LRRC40: variants seen among roughly 807,000 people sequenced by gnomAD.
LRRC40 encodes leucine-rich repeat-containing protein 40.
A neutral mutation model predicts 72.8 loss-of-function variants in LRRC40; 76 were observed. That is an observed-to-expected ratio of 1.04 (90% CI 0.87 to 1.26). LRRC40 has a LOEUF of 1.26. Among genes scored for constraint, LRRC40 ranks in the 50% most tolerant of loss-of-function variants. The probability of loss-of-function intolerance (pLI) is 0.00; values close to 1 mark genes in which losing one functional copy is unlikely to be tolerated. For missense variants in LRRC40, 684 were observed against 698.9 expected, an observed-to-expected ratio of 0.98 and a Z score of 0.24; for synonymous variants, 243 against 254.2, an observed-to-expected ratio of 0.96 and a Z score of 0.42.
intron 6 of LRRC40, 54 bp from the exon 7 acceptor site, chr1:70,176,036 T>C (rs980357087): frequency 3.1e-5 from 35 of 1,111,908 alleles, no homozygotes; most frequent in Non-Finnish European, 4.9e-6. Flanking sequence ...TTATAGTAGA[T>C]AATGAAAATA....
At chr1:70,158,098 TCAAAAAAAAA>T (rs1667680007) in intron 10 of LRRC40, among the ~76,000 whole-genome samples, 1 of 26,142 alleles carries the variant, frequency 3.8e-5, no homozygotes, top group African/African-American at 1.9e-4. Context: ...AGACCCTGCC[TCAAAAAAAAA>T]AAAAAAAAAA....
At chr1:70,155,215 A>C (rs1432630853) in intron 11 of LRRC40, among the ~76,000 whole-genome samples, 1 of 152,128 alleles carries the variant, frequency 6.6e-6, no homozygotes, top group African/African-American at 2.4e-5. Flanking sequence ...AAAAATATTA[A>C]CAGGCTTCAG....
At chr1:70,146,427 C>A (rs1667296076) in intron 14 of LRRC40, among the ~76,000 whole-genome samples, 1 of 152,094 alleles carries the variant, frequency 6.6e-6, no homozygotes, top group African/African-American at 2.4e-5. Flanking sequence ...AGGTACTGAG[C>A]CAAGTAATTT....
chr1:70,144,820 T>C lies in LRRC40; in HGVS notation c.*980A>G, dbSNP rs1337040077. On this transcript the variant is annotated 3_prime_UTR_variant, in exon 15 of 15. Transcript: ENST00000370952. ...AACATTGTAATCAATATTTGAAAAA[T>C]GTAACTTTTATTCTGAACATGTAGT... The C allele has an allele frequency of 6.6e-6, 1 of 152,018 alleles. No homozygotes were observed. The highest frequency in any genetic ancestry group is 1.5e-5 in the Non-Finnish European group (1 of 68,004). 9.4% of individuals were successfully genotyped at this position (152,018 alleles called of 1,614,324 possible). A position where few individuals can be genotyped will look rare whatever the true frequency, so the allele number is the denominator to read the frequency against.
intron 9 of LRRC40, among the ~76,000 whole-genome samples, chr1:70,171,683 T>A (rs551336166): frequency 2.2e-4 from 34 of 152,056 alleles, no homozygotes; most frequent in African/African-American, 7.7e-4. Flanking sequence ...AGATGACAAA[T>A]GTTGATGAGG....
At chr1:70,171,611 T>C (rs1287069324) in intron 9 of LRRC40, among the ~76,000 whole-genome samples, 3 of 151,928 alleles carry the variant, frequency 2.0e-5, no homozygotes, top group East Asian at 3.9e-4. Context: ...ATCAGAAAAA[T>C]GCAAATCAAA....
In LRRC40 at chr1:70,184,799, T is replaced by C; in HGVS notation, c.523A>G (p.Asn175Asp). ...CISEGFEQLS[N>D]LEDLDLSNNH... ...TCAGAACTTACTAAATCTTCTAAAT[T>C]GGAAAGTTGTTCAAATCCCTCTGAT... The change falls in exon 4 of 15, where the codon AAT becomes GAT. Residue 175 changes from asparagine to aspartate, a missense_variant. Coordinates refer to ENST00000370952, the MANE Select transcript of LRRC40 (RefSeq NM_017768.5). 6.2e-7 allele frequency: 1 copy of C among 1,602,608 alleles called. No individual in the cohort carries two copies. Among genetic ancestry groups the C allele is most frequent in the Non-Finnish European group, 8.5e-7 (1 of 1,176,892 alleles).
intron 6 of LRRC40, among the ~76,000 whole-genome samples, chr1:70,176,935 T>C (rs1430253442): frequency 1.3e-5 from 2 of 152,198 alleles, no homozygotes; most frequent in Non-Finnish European, 2.9e-5. Context: ...AAAACTTACA[T>C]ACAACTTACA....
intron 5 of LRRC40, among the ~76,000 whole-genome samples, chr1:70,179,748 T>C (rs1453828962): frequency 2.0e-5 from 3 of 152,196 alleles, no homozygotes; most frequent in Admixed American, 2.0e-4. Flanking sequence ...TATGTCTTCG[T>C]TCTAGATATA....
At chr1:70,155,225 G>C (rs540984328) in intron 11 of LRRC40, among the ~76,000 whole-genome samples, 1 of 152,232 alleles carries the variant, frequency 6.6e-6, no homozygotes, top group Non-Finnish European at 1.5e-5. Context: ...ACAGGCTTCA[G>C]TTAATTTTGC....
chr1:70,205,410 G>T lies in LRRC40; in HGVS notation c.131C>A (p.Ser44Ter). 1 of 1,595,560 alleles carries T rather than the reference G, an allele frequency of 6.3e-7. No homozygotes were observed. Among genetic ancestry groups the T allele is most frequent in the Non-Finnish European group, 8.6e-7 (1 of 1,166,130 alleles). ...CTTACCTTCACTGAGGTTTCTACCC[G>T]ACAGGTTTAACTGGCCGCTCTTCCT... ...AARKSGQLNL[S>*]GRNLSEVPQC... The change falls in exon 1 of 15, where the codon TCG (serine) becomes TAG (stop). Residue 44 changes from serine to a stop codon, truncating the protein, a stop_gained. Coordinates refer to ENST00000370952, the MANE Select transcript of LRRC40 (RefSeq NM_017768.5). LOFTEE classifies it high-confidence loss of function.
chr1:70,159,986 T>C (rs1021664711), intron 9 of LRRC40, among the ~76,000 whole-genome samples: 1 of 152,204 alleles, frequency 6.6e-6, no homozygotes, highest in African/African-American at 2.4e-5. Flanking sequence ...TATAGATATT[T>C]TCCTAACATG....
chr1:70,181,499 G>A (rs1205902629), intron 4 of LRRC40, among the ~76,000 whole-genome samples: 1 of 151,948 alleles, frequency 6.6e-6, no homozygotes, highest in Admixed American at 6.6e-5. Context: ...TTAAAACAAA[G>A]TCATGCCATA....
intron 6 of LRRC40, among the ~76,000 whole-genome samples, chr1:70,178,093 T>G (rs542613690): frequency 6.6e-6 from 1 of 152,328 alleles, no homozygotes; most frequent in South Asian, 2.1e-4. Context: ...TTGGTAAGGC[T>G]TCTGGTCAAC....
intron 9 of LRRC40, among the ~76,000 whole-genome samples, chr1:70,160,005 C>A (rs1667722446): frequency 6.6e-6 from 1 of 152,118 alleles, no homozygotes; most frequent in South Asian, 2.1e-4. Flanking sequence ...TGCTTGCATA[C>A]TCACACATTC....
intron 1 of LRRC40, among the ~76,000 whole-genome samples, chr1:70,204,111 T>A (rs1668827289): frequency 6.6e-6 from 1 of 152,234 alleles, no homozygotes; most frequent in African/African-American, 2.4e-5. Context: ...TCTTAAAGTT[T>A]AACAGACGAA....
intron 10 of LRRC40, among the ~76,000 whole-genome samples, chr1:70,156,377 T>G (rs1667636931): frequency 6.6e-6 from 1 of 152,112 alleles, no homozygotes; most frequent in Admixed American, 6.5e-5. Flanking sequence ...GGACTGAGAT[T>G]AAACTATTCC....
chr1:70,178,080 T>G (rs1668149156), intron 6 of LRRC40, among the ~76,000 whole-genome samples: 1 of 152,242 alleles, frequency 6.6e-6, no homozygotes, highest in African/African-American at 2.4e-5. Flanking sequence ...TTTGTTCATG[T>G]TATTGGTAAG....
chr1:70,200,866 A>C (rs893620889), intron 1 of LRRC40, among the ~76,000 whole-genome samples: 5 of 152,230 alleles, frequency 3.3e-5, no homozygotes, highest in Non-Finnish European at 7.3e-5. Context: ...ATCTGAAAGA[A>C]GCCATGTTTT....
Sources: gnomAD v4.1 joint callset for allele counts (sites outside exome capture counted in the v4.1 genomes callset) on GRCh38, gnomAD v4.1.1 for gene constraint, MANE v1.5 for transcripts, NCBI Gene and HGNC (gene_info 2026-07-23, HGNC 2026-07-21) for gene names.